The following ARHGEF4 variants were observed in gnomAD, a reference collection of about 807,000 sequenced individuals.
ARHGEF4 encodes Rho guanine nucleotide exchange factor 4.
A neutral mutation model predicts 162.0 loss-of-function variants in ARHGEF4; 119 were observed. That is an observed-to-expected ratio of 0.73 (90% CI 0.63 to 0.86). ARHGEF4 has a LOEUF of 0.86. Among genes scored for constraint, ARHGEF4 ranks in the 40% least tolerant of loss-of-function variants. The probability of loss-of-function intolerance (pLI) is 0.00; values close to 1 mark genes in which losing one functional copy is unlikely to be tolerated. For missense variants in ARHGEF4, 2,488 were observed against 2,456.0 expected, an observed-to-expected ratio of 1.01 and a Z score of -0.28; for synonymous variants, 1,014 against 979.9, an observed-to-expected ratio of 1.03 and a Z score of -0.65.
intron 4 of ARHGEF4, among the ~76,000 whole-genome samples, chr2:130,948,310 A>G (rs1683745117): frequency 6.6e-6 from 1 of 152,174 alleles, no homozygotes; most frequent in African/African-American, 2.4e-5. Flanking sequence ...TGTGAAGTGG[A>G]GTTTTATTCT....
At chr2:130,996,662 A>G (rs1687412696) in intron 4 of ARHGEF4, among the ~76,000 whole-genome samples, 1 of 152,204 alleles carries the variant, frequency 6.6e-6, no homozygotes, top group African/African-American at 2.4e-5. Context: ...ATGCCTATCC[A>G]GGAAGAGACT....
intron 8 of ARHGEF4, among the ~76,000 whole-genome samples, chr2:131,040,843 G>C (rs939657695): frequency 2.6e-5 from 4 of 152,170 alleles, no homozygotes; most frequent in Non-Finnish European, 4.4e-5. Flanking sequence ...GCTCTAAGTG[G>C]ACACCTCCTA....
chr2:130,936,813 G>A (rs1200257921), intron 3 of ARHGEF4, among the ~76,000 whole-genome samples: 1 of 150,730 alleles, frequency 6.6e-6, no homozygotes, highest in African/African-American at 2.4e-5. Context: ...GTAGATTCAT[G>A]TACTTTACCA....
intron 4 of ARHGEF4, among the ~76,000 whole-genome samples, chr2:130,984,744 G>GAC (rs1162325066): frequency 8.0e-5 from 12 of 150,306 alleles, no homozygotes; most frequent in African/African-American, 2.7e-4. Context: ...GACTATATCA[G>GAC]ACACACACAC....
intron 4 of ARHGEF4, among the ~76,000 whole-genome samples, chr2:130,949,680 C>T (rs1683834237): frequency 6.6e-6 from 1 of 152,048 alleles, no homozygotes; most frequent in African/African-American, 2.4e-5. Flanking sequence ...GGGTCTCGCT[C>T]TGTCGCCCAG....
At chr2:130,888,232 T>C (rs1679638183) in intron 1 of ARHGEF4, among the ~76,000 whole-genome samples, 1 of 146,464 alleles carries the variant, frequency 6.8e-6, no homozygotes, top group Non-Finnish European at 1.5e-5. Context: ...CCTAGCACTT[T>C]GGGAGGCCAA....
rs1055078876 is a variant in ARHGEF4, at chr2:130,983,874, C to A, written c.3985+37239C>A. Among the ~76,000 whole-genome samples the A allele has an allele frequency of 2.0e-5, 3 of 152,138 alleles. No homozygotes were observed. The East Asian group carries it at 5.8e-4, about 29-fold the overall frequency. ...CCATGTTAGCCAGGATGGTCTTGAT[C>A]TCCTGACCTTGTGATCTGCCCGCTT... On this transcript the variant is annotated intron_variant, in intron 4 of 13. Coordinates refer to ENST00000409359, the MANE Select transcript of ARHGEF4 (RefSeq NM_001367493.1).
intron 2 of ARHGEF4, among the ~76,000 whole-genome samples, chr2:130,928,910 A>G (rs1033932156): frequency 9.2e-5 from 14 of 152,052 alleles, no homozygotes; most frequent in Non-Finnish European, 2.1e-4. Flanking sequence ...GCCTCTCTCT[A>G]TTCTATCTGT....
chr2:131,007,843 G>A (rs1270443741), intron 4 of ARHGEF4, among the ~76,000 whole-genome samples: 9 of 105,542 alleles, frequency 8.5e-5, no homozygotes, highest in Admixed American at 4.5e-4. Context: ...ACAGAGTCTC[G>A]CCCTATCCCC....
intron 6 of ARHGEF4, chr2:131,039,463 C>T (rs762190650): frequency 7.8e-6 from 8 of 1,021,866 alleles, no homozygotes; most frequent in African/African-American, 1.7e-5. Flanking sequence ...GACCTGGATT[C>T]CATCTAAGGG....
intron 4 of ARHGEF4, among the ~76,000 whole-genome samples, chr2:130,974,862 G>C (rs1685596724): frequency 6.6e-6 from 1 of 152,126 alleles, no homozygotes; most frequent in Admixed American, 6.5e-5. Flanking sequence ...CAGAATCTCT[G>C]CCATCTGAGT....
intron 4 of ARHGEF4, among the ~76,000 whole-genome samples, chr2:131,008,685 T>G (rs1340942630): frequency 1.3e-5 from 2 of 152,152 alleles, no homozygotes; most frequent in Admixed American, 1.3e-4. Context: ...TCACTATTCC[T>G]TTATGTTATT....
chr2:130,913,085 C>T (rs903872357), intron 1 of ARHGEF4, among the ~76,000 whole-genome samples: 2 of 151,908 alleles, frequency 1.3e-5, no homozygotes, highest in African/African-American at 2.4e-5. Context: ...GTTCAGGCAT[C>T]GGCTGGGGGT....
At position 130,917,103 on chromosome 2, in the gene ARHGEF4, C is replaced by T. The variant is rs1261592711; in HGVS notation, c.3157C>T (p.Leu1053=). The T allele has an allele frequency of 1.2e-5, 18 of 1,550,500 alleles. No homozygotes were observed. The highest frequency in any genetic ancestry group is 1.6e-5 in the Non-Finnish European group (18 of 1,146,960). ...AGGTATCTTTCCGGAAAAGTCCTGG[C>T]TGGCGTCCCCCGGCAGCCCTCGGGC... ...PSGIFPEKSW[L]ASPGSPRAQQ... Residue 1053 remains leucine (L), a synonymous_variant, in exon 2 of 14, where the codon CTG becomes TTG. Transcript: ENST00000409359.
intron 6 of ARHGEF4, 33 bp from the exon 7 acceptor site, chr2:131,039,983 G>C (rs562532797): frequency 1.3e-6 from 2 of 1,546,298 alleles, no homozygotes; most frequent in South Asian, 1.2e-5. Flanking sequence ...TCCGAGGGAT[G>C]CGGGGCACTG....
Position 130,988,117 on chromosome 2 carries a change from G to A in ARHGEF4, c.3986-39828G>A, listed in dbSNP as rs534601920. ...CAGTAAAATGCTCAATACATTTATGGAAGGAATGAAGGACTCTGGCAGAAA... is the reference window on the plus strand; with the variant it reads ...CAGTAAAATGCTCAATACATTTATGAAAGGAATGAAGGACTCTGGCAGAAA... On this transcript the variant is annotated intron_variant, in intron 4 of 13. Transcript: ENST00000409359. Among the ~76,000 whole-genome samples, 17 of 152,308 alleles carry A rather than the reference G, an allele frequency of 1.1e-4. No individual in the cohort carries two copies. In the South Asian group the frequency reaches 3.3e-3, roughly 30 times the overall value.
chr2:130,880,121 G>T (rs1679099627), intron 1 of ARHGEF4, among the ~76,000 whole-genome samples: 1 of 152,188 alleles, frequency 6.6e-6, no homozygotes, highest in Non-Finnish European at 1.5e-5. Flanking sequence ...CTCTCGGCAG[G>T]TGGGAAGCCT....
At chr2:130,844,960 A>T (rs1391899704) in intron 1 of ARHGEF4, among the ~76,000 whole-genome samples, 2 of 151,892 alleles carry the variant, frequency 1.3e-5, no homozygotes, top group East Asian at 3.9e-4. Context: ...AGTAGCTGGG[A>T]TTACAGGCGT....
chr2:131,046,226 T>A lies in ARHGEF4; in HGVS notation c.*37T>A. On this transcript the variant is annotated 3_prime_UTR_variant, in exon 14 of 14. Transcript: ENST00000409359. ...CCTGACAGCACCTGCTGGGCCTTCCTGCCAGTGGCCCCCAGTTTTTCTTCC... is the reference window on the plus strand; with the variant it reads ...CCTGACAGCACCTGCTGGGCCTTCCAGCCAGTGGCCCCCAGTTTTTCTTCC... The A allele has an allele frequency of 6.3e-7, 1 of 1,577,398 alleles. No individual in the cohort carries two copies. Among genetic ancestry groups the A allele is most frequent in the Non-Finnish European group, 8.7e-7 (1 of 1,155,972 alleles).
Sources: gnomAD v4.1 joint callset for allele counts (sites outside exome capture counted in the v4.1 genomes callset) on GRCh38, gnomAD v4.1.1 for gene constraint, MANE v1.5 for transcripts, NCBI Gene and HGNC (gene_info 2026-07-23, HGNC 2026-07-21) for gene names.